The following PYY variants were observed in gnomAD, a reference collection of about 807,000 sequenced individuals.
PYY encodes peptide tyrosine tyrosine.
In PYY, 12 loss-of-function variants were observed where a neutral mutation model predicts 10.3. The ratio of observed to expected loss-of-function variants is 1.17; its 90% confidence interval spans 0.75 to 1.89. The LOEUF (loss-of-function observed/expected upper bound fraction) is 1.89, where lower values mean the gene tolerates loss of function less well. Ranked by LOEUF, PYY falls within the 40% of genes most tolerant of loss-of-function variation. The probability of loss-of-function intolerance (pLI) is 0.00; values close to 1 mark genes in which losing one functional copy is unlikely to be tolerated. For synonymous variants in PYY, 66 were observed against 62.0 expected, an observed-to-expected ratio of 1.06 and a Z score of -0.30; for missense variants, 141 against 134.0, an observed-to-expected ratio of 1.05 and a Z score of -0.26.
intron 1 of PYY, among the ~76,000 whole-genome samples, chr17:43,981,280 T>G (rs2048882175): frequency 6.6e-6 from 1 of 152,192 alleles, no homozygotes. Flanking sequence ...TGTTGCACTT[T>G]AGCAGATATG....
chr17:43,960,496 C>T (rs2048703975), intron 2 of PYY, among the ~76,000 whole-genome samples: 1 of 133,390 alleles, frequency 7.5e-6, no homozygotes, highest in South Asian at 2.4e-4. Flanking sequence ...TGAACTGAGG[C>T]ACTCCAGCCC....
At chr17:43,965,816 A>AG (rs1268208358) in intron 2 of PYY, among the ~76,000 whole-genome samples, 54 of 142,674 alleles carry the variant, frequency 3.8e-4, no homozygotes, top group Admixed American at 7.0e-4. Context: ...AAAAAAAAAA[A>AG]AGAGAGAGAA....
At chr17:43,978,291 G>A (rs1161217315) in intron 1 of PYY, among the ~76,000 whole-genome samples, 1 of 148,268 alleles carries the variant, frequency 6.7e-6, no homozygotes. Context: ...AGGAAGGAAG[G>A]AAGAAGGATG....
At position 43,952,921 on chromosome 17, in the gene PYY, T is replaced by G; in HGVS notation, c.*35A>C. ...AGTGCGTATGCAAATGACGTGGGCG[T>G]GGTTGGCAGATCTCCCAGGAGGCCT... is the stretch of plus-strand genomic sequence containing the variant. On this transcript the variant is annotated 3_prime_UTR_variant, in exon 4 of 4. Transcript: ENST00000692052. 6.6e-7 allele frequency: 1 copy of G among 1,525,486 alleles called. No homozygotes were observed. Among genetic ancestry groups the G allele is most frequent in the South Asian group, 1.3e-5 (1 of 78,260 alleles). The allele number at this position is 1,525,486 out of a possible 1,614,324, so 94.5% of individuals were successfully genotyped here.
At chr17:43,975,333 G>C (rs963344424) in intron 1 of PYY, among the ~76,000 whole-genome samples, 1 of 152,072 alleles carries the variant, frequency 6.6e-6, no homozygotes, top group African/African-American at 2.4e-5. Flanking sequence ...GTGTGACTTT[G>C]AGAGAGTTTG....
At chr17:43,979,050 G>A (rs2048866855) in intron 1 of PYY, among the ~76,000 whole-genome samples, 1 of 152,134 alleles carries the variant, frequency 6.6e-6, no homozygotes, top group Non-Finnish European at 1.5e-5. Context: ...CGCACCTTAG[G>A]GAGCCAAAGT....
At chr17:43,982,810 C>T (rs1275984886) in intron 1 of PYY, among the ~76,000 whole-genome samples, 1 of 152,188 alleles carries the variant, frequency 6.6e-6, no homozygotes, top group Admixed American at 6.5e-5. Flanking sequence ...AGGCTGGGGA[C>T]AGCTGCTCAT....
intron 1 of PYY, among the ~76,000 whole-genome samples, chr17:43,999,463 G>A (rs2049011306): frequency 6.6e-6 from 1 of 152,062 alleles, no homozygotes; most frequent in African/African-American, 2.4e-5. Flanking sequence ...TTTGTTAGAG[G>A]CCGGGCACGG....
At chr17:43,956,036 A>G (rs1162887531), upstream of PYY, among the ~76,000 whole-genome samples, 1 of 152,092 alleles carries the variant, frequency 6.6e-6, no homozygotes, top group Non-Finnish European at 1.5e-5. Flanking sequence ...AAACTGTGAG[A>G]TGGCCATGGG....
intron 1 of PYY, 76 bp from the exon 2 acceptor site, chr17:43,953,559 G>A: frequency 5.1e-6 from 7 of 1,361,456 alleles, no homozygotes; most frequent in Non-Finnish European, 6.9e-6. Flanking sequence ...CTGCCGTCGG[G>A]GCCGCGCTCC....
intron 1 of PYY, among the ~76,000 whole-genome samples, chr17:43,981,987 A>G (rs912028931): frequency 6.6e-6 from 1 of 152,192 alleles, no homozygotes; most frequent in Non-Finnish European, 1.5e-5. Context: ...TATGATCAAT[A>G]TAGTCCAATG....
intron 2 of PYY, among the ~76,000 whole-genome samples, chr17:43,963,623 A>AAAGAAAGAAAGAAAGAAAGAAAGG (rs1567927995): frequency 2.7e-5 from 2 of 73,484 alleles, no homozygotes; most frequent in African/African-American, 7.4e-5. Flanking sequence ...AGAAAGAAAG[A>AAAGAAAGAAAGAAAGAAAGAAAGG]AAGAGAAAGA....
Position 43,990,020 on chromosome 17 carries a change from A to T in PYY, c.-463+14371T>A, listed in dbSNP as rs932219624. Among the ~76,000 whole-genome samples the T allele has an allele frequency of 7.3e-5, 11 of 151,638 alleles. 3 individuals are homozygous for T. The highest frequency in any genetic ancestry group is 6.6e-4 in the Admixed American group (10 of 15,174). On this transcript the variant is annotated intron_variant, in intron 1 of 6. Coordinates refer to the PYY transcript ENST00000360085. ...ACTAAAAAAGGCAAAATGGGATGCC[A>T]TGTTTTACCTGGTAAGATTTCCAAA...
upstream of PYY, among the ~76,000 whole-genome samples, chr17:43,957,372 T>C (rs925047536): frequency 6.6e-6 from 1 of 151,826 alleles, no homozygotes; most frequent in Admixed American, 6.6e-5. Flanking sequence ...TAAATAAGCA[T>C]GGAGGCTGGG....
intron 1 of PYY, among the ~76,000 whole-genome samples, chr17:43,989,179 C>G (rs537124239): frequency 6.6e-6 from 1 of 151,926 alleles, no homozygotes; most frequent in Non-Finnish European, 1.5e-5. Flanking sequence ...TCAAGACCAT[C>G]CTGGCTAACA....
upstream of PYY, among the ~76,000 whole-genome samples, chr17:43,955,518 C>G (rs1300857598): frequency 6.6e-6 from 1 of 152,164 alleles, no homozygotes; most frequent in African/African-American, 2.4e-5. Flanking sequence ...CAGGAAACAC[C>G]AGGGTGCCCT....
intron 1 of PYY, among the ~76,000 whole-genome samples, chr17:43,981,529 G>A (rs12947766): frequency 0.052 from 7,818 of 151,726 alleles, 244 homozygotes; most frequent in East Asian, 0.13. Flanking sequence ...TCACTCTGTC[G>A]CCCAGGCTGG....
upstream of PYY, among the ~76,000 whole-genome samples, chr17:43,955,034 A>G (rs2048662674): frequency 6.6e-6 from 1 of 152,212 alleles, no homozygotes; most frequent in African/African-American, 2.4e-5. Context: ...GGACCTCTCA[A>G]TTGTGAGGGG....
chr17:43,972,545 T>TC (rs2048802135), intron 1 of PYY, among the ~76,000 whole-genome samples: 1 of 149,948 alleles, frequency 6.7e-6, no homozygotes, highest in Admixed American at 6.7e-5. Context: ...AAACATTTTT[T>TC]TTTTTGAGAC....
Sources: allele counts gnomAD v4.1 joint callset (sites outside exome capture counted in the v4.1 genomes callset), GRCh38; gene constraint gnomAD v4.1.1; transcripts MANE v1.5; gene names NCBI Gene and HGNC (gene_info 2026-07-23, HGNC 2026-07-21).